The following DLGAP2 variants were observed in gnomAD, a reference collection of about 807,000 sequenced individuals.
The protein encoded by DLGAP2 is DLG associated protein 2, also known as disks large-associated protein 2.
A neutral mutation model predicts 100.3 loss-of-function variants in DLGAP2; 26 were observed. The observed-to-expected ratio is 0.26, with a 90% confidence interval of 0.19 to 0.36. The LOEUF is 0.36. DLGAP2 is among the 10% of genes least tolerant of loss of function. The pLI is 1.00. For synonymous variants in DLGAP2, 886 were observed against 630.1 expected, an observed-to-expected ratio of 1.41 and a Z score of -6.08; for missense variants, 1,858 against 1,453.2, an observed-to-expected ratio of 1.28 and a Z score of -4.53.
At chr8:1,115,721 T>C (rs1805095341) in intron 2 of DLGAP2, among the ~76,000 whole-genome samples, 1 of 152,198 alleles carries the variant, frequency 6.6e-6, no homozygotes, top group Non-Finnish European at 1.5e-5. Flanking sequence ...ACTGGCTATG[T>C]AGAGTTACAG....
intron 1 of DLGAP2, among the ~76,000 whole-genome samples, chr8:897,550 C>T (rs575559497): frequency 1.8e-4 from 28 of 152,268 alleles, no homozygotes; most frequent in African/African-American, 5.5e-4. Flanking sequence ...TAAACATGGG[C>T]GCCCGGTAAG....
At chr8:839,854 C>A (rs1232054414) in intron 1 of DLGAP2, among the ~76,000 whole-genome samples, 2 of 152,224 alleles carry the variant, frequency 1.3e-5, no homozygotes, top group Admixed American at 1.3e-4. Flanking sequence ...TGATCCACGG[C>A]CTCTTCTCCT....
chr8:1,422,996 G>T (rs550727712), intron 3 of DLGAP2, among the ~76,000 whole-genome samples: 2 of 152,162 alleles, frequency 1.3e-5, no homozygotes, highest in African/African-American at 4.8e-5. Flanking sequence ...ATATGTGACT[G>T]TGGCTACATC....
chr8:1,557,724 C>A (rs148798939), intron 5 of DLGAP2, among the ~76,000 whole-genome samples: 1 of 152,174 alleles, frequency 6.6e-6, no homozygotes, highest in Non-Finnish European at 1.5e-5. Flanking sequence ...CTCCTGGGCA[C>A]GCAGACGCCG....
At chr8:1,169,791 G>A (rs77586093) in intron 2 of DLGAP2, among the ~76,000 whole-genome samples, 84,175 of 150,506 alleles carry the variant, frequency 0.56, 24,449 homozygotes, top group Admixed American at 0.65. Context: ...GGCTGAGACA[G>A]TGGGATTTTC....
At chr8:1,685,213 A>G (rs909098442) in intron 12 of DLGAP2, among the ~76,000 whole-genome samples, 2 of 152,192 alleles carry the variant, frequency 1.3e-5, no homozygotes, top group African/African-American at 4.8e-5. Context: ...GAGCCCAGAG[A>G]GACTCTGAGA....
chr8:1,118,633 A>T (rs974642817), intron 2 of DLGAP2, among the ~76,000 whole-genome samples: 6 of 152,192 alleles, frequency 3.9e-5, no homozygotes, highest in Non-Finnish European at 5.9e-5. Context: ...GGAACTGCAG[A>T]CGGCCCCTGT....
intron 3 of DLGAP2, among the ~76,000 whole-genome samples, chr8:1,290,200 C>T (rs376927638): frequency 1.3e-5 from 2 of 152,140 alleles, no homozygotes; most frequent in South Asian, 2.1e-4. Context: ...CAGCTAGACT[C>T]GAACAAAATG....
chr8:1,378,283 ACACACCTGACCTCACCTGTCCTGCG>A, intron 3 of DLGAP2, among the ~76,000 whole-genome samples: 1 of 147,802 alleles, frequency 6.8e-6, no homozygotes, highest in Middle Eastern at 3.5e-3. Flanking sequence ...TCTGTCCTGC[ACACACCTGACCTCACCTGTCCTGCG>A]CACACCTGAC....
intron 4 of DLGAP2, among the ~76,000 whole-genome samples, chr8:1,536,560 C>G (rs1487116398): frequency 6.6e-6 from 1 of 152,156 alleles, no homozygotes; most frequent in Admixed American, 6.5e-5. Context: ...GCGTGATGGA[C>G]TTTGTGCTTC....
At chr8:1,227,914 C>G (rs1036928043) in intron 2 of DLGAP2, among the ~76,000 whole-genome samples, 11 of 152,142 alleles carry the variant, frequency 7.2e-5, no homozygotes, top group African/African-American at 2.7e-4. Context: ...TCTTGCTATA[C>G]ACACACAAAA....
At position 965,613 on chromosome 8, in the gene DLGAP2, G is replaced by C. The variant is rs13274099; in HGVS notation, c.73+57647G>C. 6.8e-4 allele frequency among the ~76,000 whole-genome samples: 67 copies of C among 98,376 alleles called. 1 individual carries two copies. The highest frequency in any genetic ancestry group is 9.8e-4 in the Non-Finnish European group (50 of 50,766). The allele number at this position is 98,376 out of a possible 152,430, so 64.5% of individuals were successfully genotyped here. ...TCACCTCACACGGCTCCTGAGTCTG[G>C]CCCCGCACTGCACACGGCACTGTTC... is the stretch of plus-strand genomic sequence containing the variant. On this transcript the variant is annotated intron_variant, in intron 2 of 14. Transcript: ENST00000637795.
rs1189337783 is a variant in DLGAP2 at position 1,164,145 on chromosome 8, T to C, written c.74-94706T>C. Among the ~76,000 whole-genome samples the C allele has an allele frequency of 1.1e-4, 11 of 97,446 alleles. 3 individuals are homozygous for C. Among genetic ancestry groups the C allele is most frequent in the African/African-American group, 3.7e-4 (9 of 24,634 alleles). 63.9% of individuals were successfully genotyped at this position (97,446 alleles called of 152,430 possible). ...GGCCCGTCATTTTGGTTTGTGGGGATTTTTCTGTGAGCCCCCCAGGGCCCG... is the reference window on the plus strand; with the variant it reads ...GGCCCGTCATTTTGGTTTGTGGGGACTTTTCTGTGAGCCCCCCAGGGCCCG... On this transcript the variant is annotated intron_variant, in intron 2 of 14. Transcript: ENST00000637795.
chr8:984,522 C>G lies in DLGAP2; in HGVS notation c.73+76556C>G, dbSNP rs948352479. 1.8e-4 allele frequency among the ~76,000 whole-genome samples: 27 copies of G among 152,156 alleles called. 1 individual carries two copies. Among genetic ancestry groups the G allele is most frequent in the Admixed American group, 1.8e-3 (27 of 15,286 alleles). On this transcript the variant is annotated intron_variant, in intron 2 of 14. Coordinates refer to ENST00000637795, the MANE Select transcript of DLGAP2 (RefSeq NM_001346810.2). ...TCAGCTTGGCCCACGCTCCTGGCCACAGACCAAACCACGGCCGTGCCTGGC... is the reference window on the plus strand; with the variant it reads ...TCAGCTTGGCCCACGCTCCTGGCCAGAGACCAAACCACGGCCGTGCCTGGC...
intron 2 of DLGAP2, among the ~76,000 whole-genome samples, chr8:1,152,497 G>A (rs992474220): frequency 1.3e-5 from 2 of 152,200 alleles, no homozygotes; most frequent in African/African-American, 4.8e-5. Context: ...TAGTGAAATA[G>A]GAAAATGTAT....
intron 6 of DLGAP2, among the ~76,000 whole-genome samples, chr8:1,572,086 T>G (rs1304919803): frequency 3.8e-5 from 4 of 105,750 alleles, no homozygotes; most frequent in African/African-American, 1.6e-4. Context: ...GGGTGAACTG[T>G]GGGGGCGTCT....
At chr8:1,679,768 G>A (rs1798899568) in intron 12 of DLGAP2, among the ~76,000 whole-genome samples, 1 of 152,120 alleles carries the variant, frequency 6.6e-6, no homozygotes, top group Non-Finnish European at 1.5e-5. Context: ...GATGGCCTGA[G>A]GTCAGGAGTT....
intron 2 of DLGAP2, among the ~76,000 whole-genome samples, chr8:1,078,166 G>T (rs559229819): frequency 2.0e-5 from 3 of 152,108 alleles, no homozygotes; most frequent in Admixed American, 6.5e-5. Flanking sequence ...CTCCAGAGAC[G>T]CTCTCCTGGT....
intron 2 of DLGAP2, among the ~76,000 whole-genome samples, chr8:1,221,144 C>T (rs78325435): frequency 6.6e-6 from 1 of 152,092 alleles, no homozygotes; most frequent in South Asian, 2.1e-4. Flanking sequence ...ATGTCATGTT[C>T]TTAGCTGATC....
Sources: gnomAD v4.1 joint callset for allele counts (sites outside exome capture counted in the v4.1 genomes callset) on GRCh38, gnomAD v4.1.1 for gene constraint, MANE v1.5 for transcripts, NCBI Gene and HGNC (gene_info 2026-07-23, HGNC 2026-07-21) for gene names.